Variants in SMARCC1 observed in about 807,000 individuals in gnomAD.
SMARCC1 encodes the protein SWI/SNF complex subunit SMARCC1.
In SMARCC1, 43 loss-of-function variants were observed where a neutral mutation model predicts 147.4. The ratio of observed to expected loss-of-function variants is 0.29; its 90% CI spans 0.23 to 0.38. The LOEUF is 0.38. Among genes scored for constraint, SMARCC1 ranks in the 10% least tolerant of loss-of-function variants. The probability of loss-of-function intolerance (pLI) is 1.00; values close to 1 mark genes in which losing one functional copy is unlikely to be tolerated. For missense variants in SMARCC1, 1,119 were observed against 1,381.1 expected, an observed-to-expected ratio of 0.81 and a Z score of 3.01; for synonymous variants, 495 against 484.4, an observed-to-expected ratio of 1.02 and a Z score of -0.29.
chr3:47,676,992 C>G (rs1216103812), intron 16 of SMARCC1, among the ~76,000 whole-genome samples: 1 of 152,170 alleles, frequency 6.6e-6, no homozygotes, highest in South Asian at 2.1e-4. Flanking sequence ...CACCCCCAAA[C>G]CTATTACAAA....
chr3:47,679,404 T>C (rs2033612126), intron 15 of SMARCC1, among the ~76,000 whole-genome samples: 1 of 152,176 alleles, frequency 6.6e-6, no homozygotes, highest in Admixed American at 6.5e-5. Context: ...CTATTTCCAA[T>C]GCAAAACCAC....
chr3:47,613,957 C>T (rs1424772370), intron 25 of SMARCC1, among the ~76,000 whole-genome samples: 1 of 146,940 alleles, frequency 6.8e-6, no homozygotes, highest in Non-Finnish European at 1.5e-5. Flanking sequence ...GCTCTTCTCC[C>T]TTCTATTTGC....
At chr3:47,637,670 T>C (rs1453363923) in intron 22 of SMARCC1, among the ~76,000 whole-genome samples, 1 of 151,856 alleles carries the variant, frequency 6.6e-6, no homozygotes, top group South Asian at 2.1e-4. Context: ...CAAGATTGCG[T>C]TGCTGCATTC....
chr3:47,769,390 C>A (rs915806143), intron 2 of SMARCC1, among the ~76,000 whole-genome samples: 1 of 151,616 alleles, frequency 6.6e-6, no homozygotes, highest in African/African-American at 2.4e-5. Flanking sequence ...GTGGCAGGTG[C>A]CTGTAATCCC....
chr3:47,704,258 T>G (rs1034113762), intron 10 of SMARCC1, among the ~76,000 whole-genome samples: 1 of 152,142 alleles, frequency 6.6e-6, no homozygotes. Context: ...AAACATACAG[T>G]GCAGATGAAT....
chr3:47,752,707 T>C (rs1390131859), intron 2 of SMARCC1, among the ~76,000 whole-genome samples: 1 of 152,066 alleles, frequency 6.6e-6, no homozygotes, highest in Non-Finnish European at 1.5e-5. Flanking sequence ...GGAGGGCTAG[T>C]TGAGCCTAGG....
At chr3:47,634,431 G>C (rs978244094) in intron 24 of SMARCC1, among the ~76,000 whole-genome samples, 4 of 152,076 alleles carry the variant, frequency 2.6e-5, no homozygotes, top group Non-Finnish European at 2.9e-5. Flanking sequence ...GGGAATTAAA[G>C]ATCATGAAAA....
chr3:47,606,518 G>A (rs2032479290), intron 26 of SMARCC1, among the ~76,000 whole-genome samples: 1 of 152,160 alleles, frequency 6.6e-6, no homozygotes, highest in Non-Finnish European at 1.5e-5. Flanking sequence ...AGGGAAGAAA[G>A]TAGACGCACC....
intron 2 of SMARCC1, among the ~76,000 whole-genome samples, chr3:47,755,588 G>A (rs1461066445): frequency 1.3e-5 from 2 of 152,004 alleles, no homozygotes; most frequent in African/African-American, 4.8e-5. Flanking sequence ...GCCAGGCACG[G>A]TGGCTCATGC....
intron 11 of SMARCC1, among the ~76,000 whole-genome samples, chr3:47,696,522 ATT>A (rs770001733): frequency 2.8e-5 from 4 of 145,392 alleles, no homozygotes; most frequent in African/African-American, 2.5e-5. Flanking sequence ...AGTGTGAATA[ATT>A]TTTTTTTTTT....
intron 25 of SMARCC1, among the ~76,000 whole-genome samples, chr3:47,618,737 C>G (rs139239958): frequency 6.6e-6 from 1 of 152,184 alleles, no homozygotes; most frequent in East Asian, 1.9e-4. Context: ...TCTTAGGGGA[C>G]AGACAACAGA....
chr3:47,626,981 A>T (rs188788484), intron 24 of SMARCC1, among the ~76,000 whole-genome samples: 70 of 152,332 alleles, frequency 4.6e-4, no homozygotes, highest in Admixed American at 4.6e-3. Flanking sequence ...TATGAAGTTA[A>T]TACTACTAAA....
rs141886505 is a variant in SMARCC1, at chr3:47,647,349, G to A, written c.2321-8569C>T. 7.4e-4 allele frequency among the ~76,000 whole-genome samples: 112 copies of A among 152,182 alleles called. 1 individual carries two copies. The highest frequency in any genetic ancestry group is 2.5e-3 in the African/African-American group (104 of 41,526). ...ATAAATTATATGAGATATTCAATAC[G>A]TTAGCAAGCTTTGTGTTACATGATT... is the stretch of plus-strand genomic sequence containing the variant. On this transcript the variant is annotated intron_variant, in intron 21 of 27. Transcript: ENST00000254480.
chr3:47,637,711 CA>C (rs57257628), intron 22 of SMARCC1, among the ~76,000 whole-genome samples: 6,627 of 143,592 alleles, frequency 0.046, 478 homozygotes, highest in African/African-American at 0.16. Flanking sequence ...GACTCTGTCT[CA>C]AAAAAAAAAA....
intron 12 of SMARCC1, among the ~76,000 whole-genome samples, chr3:47,692,407 A>G (rs899440611): frequency 6.6e-6 from 1 of 152,250 alleles, no homozygotes; most frequent in Non-Finnish European, 1.5e-5. Flanking sequence ...CTTACAAAGT[A>G]TTAACACTCC....
At chr3:47,761,417 G>C (rs1399542112) in intron 2 of SMARCC1, among the ~76,000 whole-genome samples, 1 of 152,140 alleles carries the variant, frequency 6.6e-6, no homozygotes, top group Non-Finnish European at 1.5e-5. Context: ...GAGACAACTG[G>C]TGAAATGTGA....
At chr3:47,669,326 G>T (rs2033466288) in intron 19 of SMARCC1, among the ~76,000 whole-genome samples, 1 of 152,134 alleles carries the variant, frequency 6.6e-6, no homozygotes, top group South Asian at 2.1e-4. Context: ...GCATCAATGT[G>T]CAGCAGGAAA....
chr3:47,736,511 T>C (rs975218637), intron 4 of SMARCC1, among the ~76,000 whole-genome samples: 2 of 97,868 alleles, frequency 2.0e-5, no homozygotes, highest in East Asian at 7.4e-4. Flanking sequence ...CTGTCTCTAC[T>C]AAAAATACAA....
chr3:47,704,725 T>C (rs1191975829), intron 10 of SMARCC1, among the ~76,000 whole-genome samples: 1 of 150,774 alleles, frequency 6.6e-6, no homozygotes, highest in Non-Finnish European at 1.5e-5. Context: ...GAGACCAGTG[T>C]GGGTAACAAG....
Sources: gnomAD v4.1 joint callset for allele counts (sites outside exome capture counted in the v4.1 genomes callset) on GRCh38, gnomAD v4.1.1 for gene constraint, MANE v1.5 for transcripts, NCBI Gene and HGNC (gene_info 2026-07-23, HGNC 2026-07-21) for gene names.